Variants in BMPR2 observed in about 807,000 individuals in gnomAD.
BMPR2 encodes bone morphogenetic protein receptor type-2.
In BMPR2, 29 loss-of-function variants were observed where a neutral mutation model predicts 100.8. The observed-to-expected ratio is 0.29, with a 90% CI of 0.21 to 0.39. The LOEUF (loss-of-function observed/expected upper bound fraction) is 0.39. Ranked by LOEUF, BMPR2 falls within the 10% of genes least tolerant of loss-of-function variation. BMPR2 has a pLI of 1.00. For synonymous variants in BMPR2, 382 were observed against 442.3 expected (o/e 0.86, Z 1.71); for missense variants, 1,011 against 1,274.5 (o/e 0.79, Z 3.15).
chr2:202,400,483 T>C (rs183483183), intron 1 of BMPR2, among the ~76,000 whole-genome samples: 2 of 152,232 alleles, frequency 1.3e-5, no homozygotes, highest in Admixed American at 1.3e-4. Context: ...GAATTAGATT[T>C]GAATTGAATA....
chr2:202,383,655 CA>C (rs1448663690), intron 1 of BMPR2, among the ~76,000 whole-genome samples: 1 of 132,920 alleles, frequency 7.5e-6, no homozygotes, highest in African/African-American at 2.8e-5. Context: ...GCCTGGGCAA[CA>C]AGAGCGAAAC....
chr2:202,529,255 T>A (rs1687971978), intron 7 of BMPR2, among the ~76,000 whole-genome samples: 1 of 152,246 alleles, frequency 6.6e-6, no homozygotes, highest in Non-Finnish European at 1.5e-5. Flanking sequence ...TAAAAATACA[T>A]ATAACTAATA....
In BMPR2 at chr2:202,458,188, T is replaced by C. The variant is rs1205561215; in HGVS notation, c.77-6621T>C. 2.7e-5 allele frequency among the ~76,000 whole-genome samples: 4 copies of C among 146,666 alleles called. No homozygotes were observed. The East Asian group carries it at 8.0e-4, about 29-fold the overall frequency. On this transcript the variant is annotated intron_variant, in intron 1 of 12. Coordinates refer to ENST00000374580, the MANE Select transcript of BMPR2 (RefSeq NM_001204.7). The stretch of plus-strand genomic sequence containing the variant: ...TGAGCCAGGTACTGTGGCTCACTCC[T>C]GCAATCCCAGCACTTCCGGAGGCCA...
chr2:202,449,030 G>T (rs1691918360), intron 1 of BMPR2, among the ~76,000 whole-genome samples: 1 of 151,276 alleles, frequency 6.6e-6, no homozygotes, highest in South Asian at 2.1e-4. Context: ...TAAAATAGCA[G>T]GCCTGGGGTG....
chr2:202,514,874 T>C lies in BMPR2; in HGVS notation c.530-14T>C, dbSNP rs367747637. On this transcript the variant is annotated splice_polypyrimidine_tract_variant and intron_variant, in intron 4 of 12. Coordinates refer to ENST00000374580, the MANE Select transcript of BMPR2 (RefSeq NM_001204.7). ...GAAAACCATATATTAGTAACCTGTT[T>C]CCTGTTCTTATAGGAGACCGTAAAC... The C allele has an allele frequency of 1.3e-4, 205 of 1,606,368 alleles. No individual in the cohort carries two copies. In the African/African-American group the frequency reaches 2.2e-3, roughly 17 times the overall value.
Position 202,556,232 on chromosome 2 carries a change from C to T in BMPR2, c.2567C>T (p.Thr856Ile). ...MLQNQFIGEDTRLNINSSPDE... is the reference protein window; with the variant it reads ...MLQNQFIGEDIRLNINSSPDE... Reference sequence around the variant, plus strand: ...CAGAATCAGTTTATTGGTGAGGACACCCGGCTGAATATTAATTCCAGTCCT... The same window carrying T: ...CAGAATCAGTTTATTGGTGAGGACATCCGGCTGAATATTAATTCCAGTCCT... Residue 856 changes from threonine to isoleucine, a missense_variant, in exon 12 of 13, where the codon ACC becomes ATC. Thr to Ile is a moderately conservative substitution (Grantham distance 89). Transcript: ENST00000374580. 1 of 1,613,302 alleles carries T rather than the reference C, an allele frequency of 6.2e-7. No homozygotes were observed. Among genetic ancestry groups the T allele is most frequent in the Non-Finnish European group, 8.5e-7 (1 of 1,179,292 alleles).
At chr2:202,418,361 C>T (rs557247288) in intron 1 of BMPR2, among the ~76,000 whole-genome samples, 46 of 152,226 alleles carry the variant, frequency 3.0e-4, no homozygotes, top group African/African-American at 1.1e-3. Context: ...CTAAGACATA[C>T]AGTAAAGGCA....
chr2:202,483,836 A>G (rs1292205053), intron 3 of BMPR2, among the ~76,000 whole-genome samples: 1 of 152,230 alleles, frequency 6.6e-6, no homozygotes, highest in African/African-American at 2.4e-5. Context: ...TCATGCCTGT[A>G]ATCCCAATAC....
chr2:202,543,194 ATATATATATATTTATATACATATATATT>A (rs1398560684), intron 10 of BMPR2, among the ~76,000 whole-genome samples: 27 of 130,770 alleles, frequency 2.1e-4, no homozygotes, highest in Non-Finnish European at 3.8e-4. Flanking sequence ...AAAAAAGCAT[ATATATATATATTTATATACATATATATT>A]TATATATATA....
At chr2:202,534,941 G>A (rs1389937379) in intron 9 of BMPR2, among the ~76,000 whole-genome samples, 2 of 117,294 alleles carry the variant, frequency 1.7e-5, no homozygotes, top group African/African-American at 3.4e-5. Context: ...GCGGCTGGCC[G>A]GGCGGGGGGC....
chr2:202,502,964 A>G (rs1687431485), intron 3 of BMPR2, among the ~76,000 whole-genome samples: 1 of 152,166 alleles, frequency 6.6e-6, no homozygotes, highest in Admixed American at 6.6e-5. Flanking sequence ...TTCCTCTAGA[A>G]TCGAGGCCAT....
At chr2:202,394,371 T>C (rs1690618909) in intron 1 of BMPR2, among the ~76,000 whole-genome samples, 1 of 150,828 alleles carries the variant, frequency 6.6e-6, no homozygotes, top group African/African-American at 2.4e-5. Flanking sequence ...AAAGTAATAA[T>C]AATAATAATA....
chr2:202,525,385 TG>T (rs545490247), intron 7 of BMPR2, among the ~76,000 whole-genome samples: 102 of 152,006 alleles, frequency 6.7e-4, no homozygotes, highest in African/African-American at 2.4e-3. Context: ...TTAGTAGAGG[TG>T]GGGTTTCACC....
intron 1 of BMPR2, among the ~76,000 whole-genome samples, chr2:202,393,882 C>CGAGAGCGAGA (rs1212615683): frequency 3.7e-4 from 36 of 97,926 alleles, no homozygotes; most frequent in African/African-American, 1.2e-3. Flanking sequence ...AATGAGAGAG[C>CGAGAGCGAGA]GAGAGAGAGA....
In BMPR2 at chr2:202,560,238, A is replaced by AT. The variant is rs1437010168; in HGVS notation, c.*299dup. ...TGTGTATCAAAAGTGGTCTCAAAAT[A>AT]TTTTTTTAAGAAAAAAAGCAAAAAC... On this transcript the variant is annotated 3_prime_UTR_variant, in exon 13 of 13. Coordinates refer to ENST00000374580, the MANE Select transcript of BMPR2 (RefSeq NM_001204.7). 10 of 356,588 alleles carry AT rather than the reference A, an allele frequency of 2.8e-5. No individual in the cohort carries two copies. The highest frequency in any genetic ancestry group is 4.2e-5 in the African/African-American group (2 of 47,996). 22.1% of individuals were successfully genotyped at this position (356,588 alleles called of 1,614,324 possible).
At chr2:202,381,604 G>T (rs1690294604) in intron 1 of BMPR2, among the ~76,000 whole-genome samples, 1 of 152,134 alleles carries the variant, frequency 6.6e-6, no homozygotes, top group South Asian at 2.1e-4. Context: ...TGTAATATTT[G>T]GATATATAGT....
At chr2:202,485,545 C>CTTTTTCTTTTTTTTTTTTTTTTT (rs1692756931) in intron 3 of BMPR2, among the ~76,000 whole-genome samples, 4 of 64,010 alleles carry the variant, frequency 6.2e-5, no homozygotes, top group African/African-American at 2.3e-4. Flanking sequence ...TTGCCTTTAT[C>CTTTTTCTTTTTTTTTTTTTTTTT]TTTTTTTTTT....
intron 1 of BMPR2, among the ~76,000 whole-genome samples, chr2:202,379,493 C>T (rs953125955): frequency 6.6e-6 from 1 of 152,152 alleles, no homozygotes; most frequent in African/African-American, 2.4e-5. Flanking sequence ...TAGCCTTCAC[C>T]AGATCAACCT....
rs542109589 is a variant in BMPR2, at chr2:202,486,587, G to A, written c.418+18898G>A. The stretch of plus-strand genomic sequence containing the variant: ...GTGGAGTTGGCAGTGAGCCGAGATC[G>A]CATCACTGCACCTGGGCAATAGAGC... On this transcript the variant is annotated intron_variant, in intron 3 of 12. Transcript: ENST00000374580. Among the ~76,000 whole-genome samples the A allele has an allele frequency of 5.4e-5, 8 of 147,488 alleles. No homozygotes were observed. The South Asian group carries it at 1.1e-3, about 20-fold the overall frequency.
Sources: allele counts gnomAD v4.1 joint callset (sites outside exome capture counted in the v4.1 genomes callset), GRCh38; gene constraint gnomAD v4.1.1; transcripts MANE v1.5; gene names NCBI Gene and HGNC (gene_info 2026-07-23, HGNC 2026-07-21).